The following UACA variants were observed in gnomAD, a reference collection of about 807,000 sequenced individuals.
The protein encoded by UACA is uveal autoantigen with coiled-coil domains and ankyrin repeats, also known as nuclear membrane binding protein.
UACA carries 112 observed loss-of-function variants against 160.5 expected under a neutral mutation model. The ratio of observed to expected loss-of-function variants is 0.70; its 90% CI spans 0.60 to 0.82. The LOEUF is 0.82. Among genes scored for constraint, UACA ranks in the 40% least tolerant of loss-of-function variants. The pLI is 0.00. For synonymous variants in UACA, 557 were observed against 568.4 expected (o/e 0.98, Z 0.29); for missense variants, 1,574 against 1,614.6 (o/e 0.97, Z 0.43).
intron 1 of UACA, among the ~76,000 whole-genome samples, chr15:70,746,066 A>G (rs1024977158): frequency 6.6e-6 from 1 of 152,330 alleles, no homozygotes; most frequent in African/African-American, 2.4e-5. Context: ...TTCAAGATAT[A>G]GGCATGGGAA....
intron 17 of UACA, 159 bp from the exon 18 acceptor site, chr15:70,660,375 C>A (rs1374213698): frequency 1.8e-6 from 1 of 548,412 alleles, no homozygotes; most frequent in East Asian, 3.1e-5. Context: ...TGCAGAATTT[C>A]AAAACGTAAC....
intron 13 of UACA, among the ~76,000 whole-genome samples, chr15:70,674,443 G>A (rs1897242582): frequency 6.6e-6 from 1 of 151,984 alleles, no homozygotes; most frequent in Admixed American, 6.6e-5. Flanking sequence ...TAAGATTATA[G>A]GTGTCTTTTG....
chr15:70,664,574 A>G, intron 17 of UACA, 88 bp downstream of exon 17: 1 of 1,453,298 alleles, frequency 6.9e-7, no homozygotes, highest in Non-Finnish European at 9.2e-7. Flanking sequence ...ATAGCTACAG[A>G]GCACTTTAAT....
chr15:70,674,209 T>C (rs1352711197), intron 13 of UACA, among the ~76,000 whole-genome samples: 2 of 152,090 alleles, frequency 1.3e-5, no homozygotes, highest in African/African-American at 2.4e-5. Context: ...CTGGGTCACA[T>C]ATAAAGTGGG....
At chr15:70,700,574 G>A (rs904857856) in intron 1 of UACA, among the ~76,000 whole-genome samples, 3 of 151,528 alleles carry the variant, frequency 2.0e-5, no homozygotes, top group Non-Finnish European at 4.4e-5. Context: ...ATTAAAGGTG[G>A]GGGTTTTAAG....
At chr15:70,716,899 A>C (rs1898836868) in intron 1 of UACA, among the ~76,000 whole-genome samples, 1 of 152,186 alleles carries the variant, frequency 6.6e-6, no homozygotes, top group Non-Finnish European at 1.5e-5. Context: ...AGCAGTTAAT[A>C]ATTTTTATTA....
intron 1 of UACA, among the ~76,000 whole-genome samples, chr15:70,739,720 A>T (rs1172650104): frequency 7.2e-5 from 11 of 152,222 alleles, no homozygotes; most frequent in Admixed American, 7.2e-4. Flanking sequence ...ATATAAAAGA[A>T]GATAATGGTG....
the UACA span, among the ~76,000 whole-genome samples, chr15:70,778,090 A>G: frequency 2.6e-5 from 4 of 152,190 alleles, no homozygotes; most frequent in African/African-American, 9.6e-5. Flanking sequence ...AGTCCCAGCT[A>G]CCCAGGAGGC....
At chr15:70,766,108 T>G (rs2031003389), upstream of UACA, among the ~76,000 whole-genome samples, 1 of 152,238 alleles carries the variant, frequency 6.6e-6, no homozygotes, top group African/African-American at 2.4e-5. Context: ...GTCTGGATGA[T>G]GTCCCCATGG....
At chr15:70,661,325 A>C (rs922424046) in intron 17 of UACA, 2 of 152,078 alleles carry the variant, frequency 1.3e-5, no homozygotes, top group African/African-American at 4.8e-5. Context: ...ACTTTTTATG[A>C]ATCTGTATTT....
intron 3 of UACA, among the ~76,000 whole-genome samples, chr15:70,694,720 A>G (rs1898066893): frequency 6.6e-6 from 1 of 152,136 alleles, no homozygotes; most frequent in Non-Finnish European, 1.5e-5. Context: ...CCAAATGCCA[A>G]ATGGTCCCTA....
At chr15:70,721,685 T>C (rs1484183986) in intron 1 of UACA, among the ~76,000 whole-genome samples, 6 of 151,828 alleles carry the variant, frequency 4.0e-5, no homozygotes, top group African/African-American at 1.5e-4. Flanking sequence ...CCCAGCGCTT[T>C]GCACAGTCCT....
At chr15:70,769,510 T>G in the UACA span, among the ~76,000 whole-genome samples, 1 of 151,322 alleles carries the variant, frequency 6.6e-6, no homozygotes, top group Non-Finnish European at 1.5e-5. Flanking sequence ...ATAGGTAAAA[T>G]CTGGATATAG....
At chr15:70,743,735 C>T (rs112669979) in intron 1 of UACA, among the ~76,000 whole-genome samples, 1 of 152,078 alleles carries the variant, frequency 6.6e-6, no homozygotes, top group South Asian at 2.1e-4. Flanking sequence ...CAGTAAGAGG[C>T]TGAACATCTA....
At chr15:70,750,328 GA>G (rs955394782) in intron 1 of UACA, among the ~76,000 whole-genome samples, 1 of 152,072 alleles carries the variant, frequency 6.6e-6, no homozygotes, top group African/African-American at 2.4e-5. Context: ...AACAACTCTT[GA>G]AAATGGCCAT....
Position 70,667,439 on chromosome 15 carries a change from A to T in UACA, c.3245T>A (p.Val1082Glu), listed in dbSNP as rs1256260967. 5 of 1,609,872 alleles carry T rather than the reference A, an allele frequency of 3.1e-6. No homozygotes were observed. The change falls in exon 16 of 19, where the codon GTA (valine) becomes GAA (glutamate). Residue 1082 changes from valine to glutamate, a missense_variant. Transcript: ENST00000322954. ...LKDLSQKYTE[V>E]KNVKEKLVEE... ...TACTAGCTTCTCTTTCACATTCTTTACTTCCGTGTATTTCTGTGACAAGTC... is the reference window on the plus strand; with the variant it reads ...TACTAGCTTCTCTTTCACATTCTTTTCTTCCGTGTATTTCTGTGACAAGTC...
chr15:70,736,065 T>A (rs1446847950), intron 1 of UACA, among the ~76,000 whole-genome samples: 2 of 152,228 alleles, frequency 1.3e-5, no homozygotes, highest in African/African-American at 4.8e-5. Flanking sequence ...TTTTTGAATT[T>A]AATGTTGGGA....
chr15:70,744,684 A>G (rs1458743506), intron 1 of UACA, among the ~76,000 whole-genome samples: 2 of 152,358 alleles, frequency 1.3e-5, no homozygotes, highest in Admixed American at 1.3e-4. Context: ...ACCAAAAAAC[A>G]GTCTTAACAA....
chr15:70,691,434 A>G (rs1392086684), intron 3 of UACA, 71 bp from the exon 4 acceptor site: 1 of 1,187,990 alleles, frequency 8.4e-7, no homozygotes, highest in African/African-American at 1.5e-5. Context: ...TTATAGAAAT[A>G]TGATTCTTTT....
Sources: gnomAD v4.1 joint callset for allele counts (sites outside exome capture counted in the v4.1 genomes callset) on GRCh38, gnomAD v4.1.1 for gene constraint, MANE v1.5 for transcripts, NCBI Gene and HGNC (gene_info 2026-07-23, HGNC 2026-07-21) for gene names.